ADAMTS6: variants seen among roughly 807,000 people sequenced by gnomAD.
ADAMTS6 encodes ADAM metallopeptidase with thrombospondin type 1 motif 6, also known as A disintegrin and metalloproteinase with thrombospondin motifs 6.
A neutral mutation model predicts 144.3 loss-of-function variants in ADAMTS6; 23 were observed. The observed-to-expected ratio is 0.16, with a 90% confidence interval of 0.11 to 0.23. The LOEUF is 0.23. Among genes scored for constraint, ADAMTS6 ranks in the 10% least tolerant of loss-of-function variants. The pLI is 1.00. For synonymous variants in ADAMTS6, 444 were observed against 457.5 expected, an observed-to-expected ratio of 0.97 and a Z score of 0.38; for missense variants, 999 against 1,379.6, an observed-to-expected ratio of 0.72 and a Z score of 4.37.
At chr5:65,451,449 G>A in intron 7 of ADAMTS6, 26 bp downstream of exon 7, 2 of 1,611,852 alleles carry the variant, frequency 1.2e-6, no homozygotes, top group East Asian at 2.2e-5. Flanking sequence ...AACAATCAAT[G>A]GAAAAATACT....
At chr5:65,439,308 T>C (rs1351900870) in intron 7 of ADAMTS6, among the ~76,000 whole-genome samples, 1 of 152,072 alleles carries the variant, frequency 6.6e-6, no homozygotes. Flanking sequence ...TCGAGGTAAC[T>C]TGCCAAAAAT....
chr5:65,423,112 A>G (rs1361229807), intron 7 of ADAMTS6, among the ~76,000 whole-genome samples: 1 of 152,238 alleles, frequency 6.6e-6, no homozygotes, highest in Non-Finnish European at 1.5e-5. Flanking sequence ...ATGGGAGCTA[A>G]GCAATGGATA....
chr5:65,268,775 T>C (rs1761832505), intron 12 of ADAMTS6, among the ~76,000 whole-genome samples: 2 of 151,736 alleles, frequency 1.3e-5, no homozygotes, highest in South Asian at 4.2e-4. Context: ...ACAGTTCCCA[T>C]ACTTACATGG....
At chr5:65,440,087 C>T (rs1229178383) in intron 7 of ADAMTS6, among the ~76,000 whole-genome samples, 6 of 152,138 alleles carry the variant, frequency 3.9e-5, no homozygotes, top group Admixed American at 3.9e-4. Flanking sequence ...GGATTACAGG[C>T]GTGAGCCACC....
intron 9 of ADAMTS6, among the ~76,000 whole-genome samples, chr5:65,322,360 AT>A (rs1184932157): frequency 6.6e-6 from 1 of 152,042 alleles, no homozygotes; most frequent in Non-Finnish European, 1.5e-5. Flanking sequence ...TTCAGGCTCC[AT>A]TTCGGTTCCA....
intron 9 of ADAMTS6, among the ~76,000 whole-genome samples, chr5:65,327,151 C>G (rs1746248663): frequency 6.6e-6 from 1 of 152,092 alleles, no homozygotes; most frequent in Admixed American, 6.6e-5. Context: ...CTCCCTTGCT[C>G]CCTCTCTTGC....
At chr5:65,372,973 A>G (rs1453790915) in intron 7 of ADAMTS6, among the ~76,000 whole-genome samples, 1 of 152,210 alleles carries the variant, frequency 6.6e-6, no homozygotes, top group Admixed American at 6.5e-5. Flanking sequence ...CCACTCAACT[A>G]CATGGAAACT....
At chr5:65,412,651 A>G (rs1755148172) in intron 7 of ADAMTS6, among the ~76,000 whole-genome samples, 1 of 152,216 alleles carries the variant, frequency 6.6e-6, no homozygotes, top group African/African-American at 2.4e-5. Flanking sequence ...TTAGCAATAA[A>G]ATGATCCATA....
chr5:65,294,957 T>C (rs1390477001), intron 10 of ADAMTS6, among the ~76,000 whole-genome samples: 2 of 152,178 alleles, frequency 1.3e-5, no homozygotes, highest in African/African-American at 4.8e-5. Flanking sequence ...AAAGTAGTCA[T>C]ACTGTGGGTA....
At chr5:65,240,625 C>T (rs912389052) in intron 15 of ADAMTS6, among the ~76,000 whole-genome samples, 4 of 152,118 alleles carry the variant, frequency 2.6e-5, no homozygotes, top group Admixed American at 6.6e-5. Flanking sequence ...CTTTTCCCCA[C>T]GCTTTCTGCC....
chr5:65,429,862 A>G (rs2150213867), intron 7 of ADAMTS6, among the ~76,000 whole-genome samples: 1 of 152,308 alleles, frequency 6.6e-6, no homozygotes, highest in African/African-American at 2.4e-5. Context: ...AGTATTACAT[A>G]CTATGTACCT....
intron 4 of ADAMTS6, among the ~76,000 whole-genome samples, chr5:65,456,772 A>G (rs73093221): frequency 0.017 from 2,567 of 152,300 alleles, 70 homozygotes; most frequent in African/African-American, 0.057. Flanking sequence ...GGGTATTGGA[A>G]TAAGTAATTT....
intron 3 of ADAMTS6, among the ~76,000 whole-genome samples, chr5:65,463,339 A>G (rs1759768289): frequency 6.6e-6 from 1 of 152,194 alleles, no homozygotes; most frequent in Non-Finnish European, 1.5e-5. Flanking sequence ...ATGCAAAGGC[A>G]ATGAGGTAGG....
chr5:65,188,550 A>AT (rs1283354937), intron 21 of ADAMTS6, among the ~76,000 whole-genome samples: 1 of 152,208 alleles, frequency 6.6e-6, no homozygotes, highest in Non-Finnish European at 1.5e-5. Context: ...ATAAGGTCAT[A>AT]TATATAAAGC....
chr5:65,415,075 C>T (rs183006230), intron 7 of ADAMTS6, among the ~76,000 whole-genome samples: 12 of 152,012 alleles, frequency 7.9e-5, no homozygotes, highest in South Asian at 6.2e-4. Flanking sequence ...AAAATATTTG[C>T]GAATCATATA....
At chr5:65,189,220 G>T (rs1195002064) in intron 21 of ADAMTS6, among the ~76,000 whole-genome samples, 4 of 152,104 alleles carry the variant, frequency 2.6e-5, no homozygotes, top group African/African-American at 7.2e-5. Context: ...ATTTCAGGGG[G>T]TTTGTGGTTT....
chr5:65,226,164 A>G lies in ADAMTS6; in HGVS notation c.1989T>C (p.Thr663=). The G allele has an allele frequency of 6.2e-7, 1 of 1,613,950 alleles. No individual in the cohort carries two copies. Among genetic ancestry groups the G allele is most frequent in the Non-Finnish European group, 8.5e-7 (1 of 1,179,898 alleles). The change falls in exon 16 of 25, where the codon ACT becomes ACC. Residue 663 remains threonine (T), a synonymous_variant. Transcript: ENST00000381055. The part of the protein sequence containing the change: ...NCLAEGYNFY[T]ERAPAVIDGT... ...CATCGATCACCGCAGGAGCACGTTC[A>G]GTGTAGAAATTATAACCTTCAGCCA...
intron 7 of ADAMTS6, among the ~76,000 whole-genome samples, chr5:65,383,083 T>C (rs1028892720): frequency 2.6e-5 from 4 of 152,204 alleles, no homozygotes; most frequent in Non-Finnish European, 4.4e-5. Flanking sequence ...AGTCACCTCC[T>C]GAAGGCTCAA....
chr5:65,240,497 C>T (rs567578489), intron 15 of ADAMTS6, among the ~76,000 whole-genome samples: 1 of 152,176 alleles, frequency 6.6e-6, no homozygotes, highest in South Asian at 2.1e-4. Context: ...CCCCAAAACC[C>T]GTATGTTGAA....
Sources: gnomAD v4.1 joint callset for allele counts (sites outside exome capture counted in the v4.1 genomes callset) on GRCh38, gnomAD v4.1.1 for gene constraint, MANE v1.5 for transcripts, NCBI Gene and HGNC (gene_info 2026-07-23, HGNC 2026-07-21) for gene names.